WDSUB1: variants seen among roughly 807,000 people sequenced by gnomAD.
WDSUB1 encodes WD repeat, SAM and U-box domain-containing protein 1.
A neutral mutation model predicts 53.9 loss-of-function variants in WDSUB1; 49 were observed. The observed-to-expected ratio is 0.91, with a 90% CI of 0.72 to 1.15. The LOEUF (loss-of-function observed/expected upper bound fraction) is 1.15. Ranked by LOEUF, WDSUB1 falls within the 50% of genes most tolerant of loss-of-function variation. The probability of loss-of-function intolerance (pLI) is 0.00; values close to 1 mark genes in which losing one functional copy is unlikely to be tolerated. For missense variants in WDSUB1, 514 were observed against 562.0 expected, an observed-to-expected ratio of 0.91 and a Z score of 0.86; for synonymous variants, 194 against 200.6, an observed-to-expected ratio of 0.97 and a Z score of 0.28.
At chr2:159,283,374 C>T (rs114196976) in intron 1 of WDSUB1, among the ~76,000 whole-genome samples, 6,103 of 152,114 alleles carry the variant, frequency 0.04, 396 homozygotes, top group African/African-American at 0.14. Flanking sequence ...CCCTCGCAGG[C>T]GCAGTTCATA....
At chr2:159,242,212 A>G (rs1169779618) in intron 10 of WDSUB1, among the ~76,000 whole-genome samples, 10 of 145,972 alleles carry the variant, frequency 6.9e-5, no homozygotes, top group Admixed American at 6.6e-5. Flanking sequence ...CACCACACCC[A>G]GCTAATTTTT....
intron 10 of WDSUB1, among the ~76,000 whole-genome samples, chr2:159,246,609 G>A (rs1324987802): frequency 1.3e-5 from 2 of 151,990 alleles, no homozygotes; most frequent in South Asian, 2.1e-4. Context: ...TTAAACATTC[G>A]CTTATCGTAC....
intron 10 of WDSUB1, among the ~76,000 whole-genome samples, chr2:159,237,267 C>T (rs1278631233): frequency 6.6e-6 from 1 of 152,096 alleles, no homozygotes; most frequent in Non-Finnish European, 1.5e-5. Flanking sequence ...CACCTGTGAT[C>T]CCAGCACTCT....
Position 159,247,561 on chromosome 2 carries a change from A to G in WDSUB1, c.1273+811T>C, listed in dbSNP as rs141079338. The stretch of plus-strand genomic sequence containing the variant: ...CTAAACTGTTTTTTTTTCCTAGAAA[A>G]TAACACATCTAACGAAATGTGTCAA... On this transcript the variant is annotated intron_variant, in intron 10 of 10. Coordinates refer to ENST00000359774, the MANE Select transcript of WDSUB1 (RefSeq NM_001128212.3). 2.9e-4 allele frequency among the ~76,000 whole-genome samples: 44 copies of G among 152,234 alleles called. 1 individual carries two copies. The East Asian group carries it at 8.3e-3, about 29-fold the overall frequency.
intron 10 of WDSUB1, among the ~76,000 whole-genome samples, chr2:159,242,563 G>A (rs896740129): frequency 2.7e-5 from 4 of 147,596 alleles, no homozygotes; most frequent in African/African-American, 7.9e-5. Flanking sequence ...TCTGAGGCAG[G>A]AGAATCGCTT....
chr2:159,263,751 T>G (rs982145971), intron 5 of WDSUB1, among the ~76,000 whole-genome samples: 1 of 152,212 alleles, frequency 6.6e-6, no homozygotes, highest in African/African-American at 2.4e-5. Flanking sequence ...CTGCTTACTG[T>G]AAGCTAATGG....
At chr2:159,275,243 T>TA (rs70994282) in intron 4 of WDSUB1, among the ~76,000 whole-genome samples, 19 of 151,948 alleles carry the variant, frequency 1.3e-4, no homozygotes, top group African/African-American at 4.3e-4. Flanking sequence ...AGTGAATAAA[T>TA]AAAAAAATGT....
At chr2:159,246,431 C>G (rs376540386) in intron 10 of WDSUB1, among the ~76,000 whole-genome samples, 1 of 117,150 alleles carries the variant, frequency 8.5e-6, no homozygotes, top group Non-Finnish European at 1.7e-5. Flanking sequence ...GAGTCTGTCT[C>G]AAAAAAAAAA....
intron 2 of WDSUB1, among the ~76,000 whole-genome samples, chr2:159,280,229 C>T (rs2061626311): frequency 6.6e-6 from 1 of 152,084 alleles, no homozygotes; most frequent in South Asian, 2.1e-4. Context: ...CATATTTTTC[C>T]ACAGGGCAAA....
chr2:159,256,444 A>T, intron 8 of WDSUB1, 69 bp from the exon 9 acceptor site: 1 of 1,480,504 alleles, frequency 6.8e-7, no homozygotes, highest in South Asian at 1.2e-5. Context: ...CTCACTTTGA[A>T]TTAAAAGTAA....
At position 159,240,346 on chromosome 2, in the gene WDSUB1, TGTATGATTATGTGTTTTC is replaced by T. The variant is rs541646146; in HGVS notation, c.1274-4174_1274-4157del. Reference sequence around the variant, plus strand: ...ATGCTGCTATGCCTGTACAACTTTTTGTATGATTATGTGTTTTCAATTCTCCTGCCTATAGACTTAGGA... The same window carrying T: ...ATGCTGCTATGCCTGTACAACTTTTTAATTCTCCTGCCTATAGACTTAGGA... On this transcript the variant is annotated intron_variant, in intron 10 of 10. Coordinates refer to ENST00000359774, the MANE Select transcript of WDSUB1 (RefSeq NM_001128212.3). 1.9e-3 allele frequency among the ~76,000 whole-genome samples: 297 copies of T among 152,352 alleles called. 1 individual carries two copies. Among genetic ancestry groups the T allele is most frequent in the African/African-American group, 6.8e-3 (281 of 41,578 alleles).
chr2:159,247,905 A>C (rs1419116176), intron 10 of WDSUB1, among the ~76,000 whole-genome samples: 1 of 18,128 alleles, frequency 5.5e-5, no homozygotes, highest in African/African-American at 1.6e-4. Flanking sequence ...ATATATATAT[A>C]TATAAATATA....
At chr2:159,272,250 G>C (rs1307695048) in intron 4 of WDSUB1, among the ~76,000 whole-genome samples, 1 of 152,224 alleles carries the variant, frequency 6.6e-6, no homozygotes, top group East Asian at 1.9e-4. Flanking sequence ...GATTTCTAAA[G>C]TGCATTCGGT....
intron 9 of WDSUB1, among the ~76,000 whole-genome samples, chr2:159,253,105 T>C (rs769548408): frequency 4.0e-5 from 6 of 151,786 alleles, no homozygotes; most frequent in Non-Finnish European, 8.8e-5. Flanking sequence ...GGCTAGTTAG[T>C]AGTAGACTCA....
intron 3 of WDSUB1, among the ~76,000 whole-genome samples, chr2:159,276,328 G>C (rs2061540988): frequency 1.3e-5 from 2 of 152,154 alleles, no homozygotes; most frequent in Non-Finnish European, 2.9e-5. Context: ...CCAAAGTGCT[G>C]GGATTACAGG....
chr2:159,278,334 G>A (rs1334277236), intron 3 of WDSUB1, among the ~76,000 whole-genome samples: 1 of 152,154 alleles, frequency 6.6e-6, no homozygotes, highest in Non-Finnish European at 1.5e-5. Context: ...TATTATTTCA[G>A]CAAATCATTA....
At chr2:159,240,426 T>C (rs886681425) in intron 10 of WDSUB1, among the ~76,000 whole-genome samples, 2 of 152,136 alleles carry the variant, frequency 1.3e-5, no homozygotes, top group Non-Finnish European at 1.5e-5. Context: ...GCTTCCAGAC[T>C]GTTTTCAACA....
chr2:159,250,088 C>CAAAAAAAAAAAAAAAAA (rs374038625), intron 9 of WDSUB1, among the ~76,000 whole-genome samples: 7 of 83,524 alleles, frequency 8.4e-5, no homozygotes, highest in African/African-American at 1.8e-4. Flanking sequence ...GACTCTGCCT[C>CAAAAAAAAAAAAAAAAA]AAAAAAAAAA....
chr2:159,268,410 T>C (rs570664129), intron 5 of WDSUB1, among the ~76,000 whole-genome samples: 40 of 152,348 alleles, frequency 2.6e-4, no homozygotes, highest in African/African-American at 9.1e-4. Flanking sequence ...ACAATTACTA[T>C]AAATACTTTT....
Sources: allele counts gnomAD v4.1 joint callset (sites outside exome capture counted in the v4.1 genomes callset), GRCh38; gene constraint gnomAD v4.1.1; transcripts MANE v1.5; gene names NCBI Gene and HGNC (gene_info 2026-07-23, HGNC 2026-07-21).